Variants in LRIG1 observed in about 807,000 individuals in gnomAD.
LRIG1 encodes leucine-rich repeats and immunoglobulin-like domains protein 1.
LRIG1 carries 48 observed loss-of-function variants against 99.2 expected under a neutral mutation model. The ratio of observed to expected loss-of-function variants is 0.48; its 90% CI spans 0.38 to 0.62. LRIG1 has a LOEUF of 0.62. Ranked by LOEUF, LRIG1 falls within the 20% of genes least tolerant of loss-of-function variation. LRIG1 has a pLI of 0.00. For synonymous variants in LRIG1, 772 were observed against 596.1 expected (o/e 1.29, Z -4.30); for missense variants, 1,646 against 1,434.4 (o/e 1.15, Z -2.38).
At chr3:66,454,098 A>G (rs1021722368) in intron 2 of LRIG1, among the ~76,000 whole-genome samples, 5 of 152,196 alleles carry the variant, frequency 3.3e-5, no homozygotes, top group African/African-American at 9.7e-5. Context: ...TCTGGTGGCA[A>G]CAGGGCTGCC....
chr3:66,478,428 G>A (rs538430414), intron 1 of LRIG1, among the ~76,000 whole-genome samples: 2 of 152,288 alleles, frequency 1.3e-5, no homozygotes, highest in South Asian at 4.2e-4. Context: ...AAACCCAACG[G>A]TAACTCACAG....
intron 3 of LRIG1, among the ~76,000 whole-genome samples, chr3:66,445,331 T>C (rs6419763): frequency 0.95 from 143,832 of 152,074 alleles, 68,324 homozygotes; most frequent in Non-Finnish European, 1. Context: ...CATCCTTCAA[T>C]AGTAAAGCTA....
chr3:66,415,446 A>G (rs1177099279), intron 4 of LRIG1, among the ~76,000 whole-genome samples: 1 of 152,212 alleles, frequency 6.6e-6, no homozygotes, highest in African/African-American at 2.4e-5. Flanking sequence ...AACTCCTAGA[A>G]AGCAGAAAAT....
chr3:66,468,885 T>A (rs1444352336), intron 1 of LRIG1: 1 of 152,202 alleles, frequency 6.6e-6, no homozygotes, highest in Admixed American at 6.5e-5. Flanking sequence ...ATAGTACACA[T>A]CAAGCTCCAA....
chr3:66,418,239 G>A (rs554051528), intron 3 of LRIG1, among the ~76,000 whole-genome samples: 14 of 152,230 alleles, frequency 9.2e-5, no homozygotes, highest in South Asian at 2.1e-4. Context: ...TTACAGGCAC[G>A]TGCCACCACA....
Position 66,407,499 on chromosome 3 carries a change from A to G in LRIG1, c.936-8T>C. 2 of 1,613,492 alleles carry G rather than the reference A, an allele frequency of 1.2e-6. No homozygotes were observed. The highest frequency in any genetic ancestry group is 1.7e-6 in the Non-Finnish European group (2 of 1,179,678). On this transcript the variant is annotated splice_polypyrimidine_tract_variant and splice_region_variant and intron_variant, in intron 7 of 18. Coordinates refer to ENST00000273261, the MANE Select transcript of LRIG1 (RefSeq NM_015541.3). ...TTGTTGAAGGACAGGACCCTGAGGA[A>G]AGGGAGGGCAGCAATGTCACCATCT...
At chr3:66,467,804 A>G (rs974864150) in intron 1 of LRIG1, among the ~76,000 whole-genome samples, 11 of 152,252 alleles carry the variant, frequency 7.2e-5, no homozygotes, top group African/African-American at 1.7e-4. Context: ...ACCAACGAAT[A>G]TATCTATATC....
In LRIG1 at chr3:66,468,845, C is replaced by T. The variant is rs557397058; in HGVS notation, c.219-6336G>A. The T allele has an allele frequency of 8.5e-5, 13 of 152,300 alleles. No individual in the cohort carries two copies. The South Asian group carries it at 2.7e-3, about 32-fold the overall frequency. 9.4% of individuals were successfully genotyped at this position (152,300 alleles called of 1,614,324 possible). A position where few individuals can be genotyped will look rare whatever the true frequency, so the allele number is the denominator to read the frequency against. ...ATCCTTTAAGCTTTTAAGACTGTTT[C>T]TGCTGCATTTTTACTTTCTGAGGAA... On this transcript the variant is annotated intron_variant, in intron 1 of 18. Coordinates refer to ENST00000273261, the MANE Select transcript of LRIG1 (RefSeq NM_015541.3).
intron 1 of LRIG1, among the ~76,000 whole-genome samples, chr3:66,489,426 G>A (rs1475204849): frequency 1.3e-5 from 2 of 152,138 alleles, no homozygotes; most frequent in African/African-American, 4.8e-5. Context: ...GTAGACTGAG[G>A]TAGGAGGATC....
intron 1 of LRIG1, among the ~76,000 whole-genome samples, chr3:66,468,206 A>T (rs1003042508): frequency 6.6e-6 from 1 of 152,212 alleles, no homozygotes; most frequent in Admixed American, 6.5e-5. Flanking sequence ...AGGGATAAAA[A>T]GTTGTTTACT....
intron 1 of LRIG1, among the ~76,000 whole-genome samples, chr3:66,480,358 A>C (rs1700820144): frequency 1.3e-5 from 2 of 152,146 alleles, no homozygotes; most frequent in South Asian, 4.1e-4. Flanking sequence ...TGGGGTGATG[A>C]AAATGTTCTA....
intron 3 of LRIG1, among the ~76,000 whole-genome samples, chr3:66,440,982 A>G (rs1703518536): frequency 6.6e-6 from 1 of 152,190 alleles, no homozygotes. Flanking sequence ...CGTAAGGTGA[A>G]GAGATCCATT....
At chr3:66,449,379 G>A (rs531322082) in intron 3 of LRIG1, among the ~76,000 whole-genome samples, 3 of 152,332 alleles carry the variant, frequency 2.0e-5, no homozygotes, top group Admixed American at 2.0e-4. Flanking sequence ...AGGCCAAAGA[G>A]CTGGCTGCCA....
At chr3:66,408,964 T>TGTGGGGGGGGGGGGG (rs1575668634) in intron 7 of LRIG1, among the ~76,000 whole-genome samples, 1 of 17,312 alleles carries the variant, frequency 5.8e-5, no homozygotes, top group African/African-American at 2.7e-4. Context: ...GTGTGTGTGG[T>TGTGGGGGGGGGGGGG]GGGGGGAGGG....
intron 3 of LRIG1, among the ~76,000 whole-genome samples, chr3:66,422,890 C>G (rs1702864966): frequency 6.6e-6 from 1 of 152,230 alleles, no homozygotes; most frequent in Non-Finnish European, 1.5e-5. Context: ...CGAGGAGGAA[C>G]AAATCACATC....
intron 1 of LRIG1, among the ~76,000 whole-genome samples, chr3:66,497,060 C>G (rs143418547): frequency 3.2e-4 from 48 of 152,332 alleles, no homozygotes; most frequent in African/African-American, 1.1e-3. Flanking sequence ...AATCAATAAA[C>G]TCATCTTAAT....
At chr3:66,387,044 T>C (rs1701408933) in intron 12 of LRIG1, 1 of 148,382 alleles carries the variant, frequency 6.7e-6, no homozygotes, top group East Asian at 2.0e-4. Context: ...GAAAGCCCCA[T>C]TCACAGGATT....
intron 12 of LRIG1, among the ~76,000 whole-genome samples, chr3:66,389,886 G>A (rs1162305330): frequency 6.6e-6 from 1 of 152,146 alleles, no homozygotes; most frequent in African/African-American, 2.4e-5. Flanking sequence ...TCTCCTGAGT[G>A]ATGATACCAG....
intron 1 of LRIG1, among the ~76,000 whole-genome samples, chr3:66,481,652 G>A (rs1309341150): frequency 1.3e-5 from 2 of 152,128 alleles, no homozygotes; most frequent in African/African-American, 2.4e-5. Context: ...AACTGACCTG[G>A]CATTTCTTTC....
Sources: allele counts gnomAD v4.1 joint callset (sites outside exome capture counted in the v4.1 genomes callset), GRCh38; gene constraint gnomAD v4.1.1; transcripts MANE v1.5; gene names NCBI Gene and HGNC (gene_info 2026-07-23, HGNC 2026-07-21).